MYH10: variants seen among roughly 807,000 people sequenced by gnomAD.
MYH10 encodes the protein myosin-10.
MYH10 carries 55 observed loss-of-function variants against 257.8 expected under a neutral mutation model. The ratio of observed to expected loss-of-function variants is 0.21; its 90% CI spans 0.17 to 0.27. The LOEUF is 0.27. Among genes scored for constraint, MYH10 ranks in the 10% least tolerant of loss-of-function variants. The pLI is 1.00. For missense variants in MYH10, 1,631 were observed against 2,500.6 expected (o/e 0.65, Z 7.42); for synonymous variants, 854 against 921.7 (o/e 0.93, Z 1.33).
intron 27 of MYH10, among the ~76,000 whole-genome samples, chr17:8,505,252 T>G (rs1360463675): frequency 6.6e-6 from 1 of 152,240 alleles, no homozygotes; most frequent in African/African-American, 2.4e-5. Flanking sequence ...GCTGTTATAG[T>G]TAAAAATCTG....
chr17:8,622,563 T>G (rs1002900957), intron 2 of MYH10, among the ~76,000 whole-genome samples: 4 of 152,238 alleles, frequency 2.6e-5, no homozygotes, highest in African/African-American at 9.6e-5. Context: ...GCTGTCTGCG[T>G]CCAATTAATG....
intron 14 of MYH10, among the ~76,000 whole-genome samples, chr17:8,536,748 G>A (rs1334399060): frequency 2.0e-5 from 3 of 150,662 alleles, no homozygotes; most frequent in Non-Finnish European, 4.4e-5. Context: ...GCAGTGAGCC[G>A]AGATGGTGCC....
intron 1 of MYH10, 107 bp from the exon 2 acceptor site, chr17:8,623,384 G>T: frequency 8.8e-7 from 1 of 1,141,106 alleles, no homozygotes; most frequent in Non-Finnish European, 1.2e-6. Flanking sequence ...TTAACTCTGT[G>T]TTAAGGAGCT....
At chr17:8,501,503 T>C (rs1236008439) in intron 28 of MYH10, among the ~76,000 whole-genome samples, 1 of 152,182 alleles carries the variant, frequency 6.6e-6, no homozygotes, top group East Asian at 1.9e-4. Context: ...CCAGAGATTT[T>C]CAAAAGTGAA....
intron 2 of MYH10, among the ~76,000 whole-genome samples, chr17:8,619,110 A>T (rs2085372589): frequency 1.3e-5 from 2 of 152,236 alleles, no homozygotes; most frequent in African/African-American, 4.8e-5. Context: ...ACCATCATAC[A>T]TTGATATGCA....
At position 8,476,063 on chromosome 17, in the gene MYH10, C is replaced by A. The variant is rs1368751181; in HGVS notation, c.5880-115G>T. ...TCCCCTTGCACCCCCTCCTCGGACACACGACCTTGTGGGGGTGGCGGTACG... is the reference window on the plus strand; with the variant it reads ...TCCCCTTGCACCCCCTCCTCGGACAAACGACCTTGTGGGGGTGGCGGTACG... On this transcript the variant is annotated intron_variant, in intron 42 of 42. Transcript: ENST00000360416. 3.2e-6 allele frequency: 4 copies of A among 1,231,828 alleles called. No individual in the cohort carries two copies. In the African/African-American group the frequency reaches 4.5e-5, roughly 14 times the overall value. The allele number at this position is 1,231,828 out of a possible 1,614,324, so 76.3% of individuals were successfully genotyped here.
intron 37 of MYH10, 108 bp from the exon 38 acceptor site, chr17:8,481,518 G>A: frequency 1.1e-6 from 1 of 885,350 alleles, no homozygotes. Context: ...CTGTTTACCT[G>A]CACCTCAAGC....
chr17:8,606,008 T>C (rs1206003072), intron 2 of MYH10, among the ~76,000 whole-genome samples: 4 of 152,320 alleles, frequency 2.6e-5, no homozygotes, highest in East Asian at 1.9e-4. Context: ...TATTTACTTA[T>C]GTTAACTTGT....
chr17:8,571,925 G>A (rs1359578935), intron 6 of MYH10, among the ~76,000 whole-genome samples: 1 of 24,928 alleles, frequency 4.0e-5, no homozygotes, highest in Non-Finnish European at 1.0e-4. Context: ...GTCTCTAAAA[G>A]CCTTTTTTTT....
chr17:8,509,731 C>A lies in MYH10; in HGVS notation c.3090+81G>T. 2.3e-6 allele frequency: 3 copies of A among 1,321,974 alleles called. No individual in the cohort carries two copies. In the African/African-American group the frequency reaches 4.6e-5, roughly 20 times the overall value. The allele number at this position is 1,321,974 out of a possible 1,614,324, so 81.9% of individuals were successfully genotyped here. The stretch of plus-strand genomic sequence containing the variant: ...CTTGAGAAATTTCTGTTTGAGTTCA[C>A]TTTCAATGAGTGTATCAACATAATA... On this transcript the variant is annotated intron_variant, in intron 25 of 42. Coordinates refer to ENST00000360416, the MANE Select transcript of MYH10 (RefSeq NM_001256012.3).
Position 8,513,844 on chromosome 17 carries a change from C to T in MYH10, c.2555G>A (p.Arg852Gln). The change falls in exon 22 of 43, where the codon CGG becomes CAG. Residue 852 changes from arginine to glutamine, a missense_variant. Around this residue, in one of 11 missense-constraint regions of MYH10, gnomAD observed 116 missense variants for 221.6 expected, o/e 0.52. Transcript: ENST00000360416. ...QQLSALKVLQ[R>Q]NCAAYLKLRH... ...TAATTTCAGGTACGCGGCACAGTTC[C>T]GCTGCAAGACCTTTAAGGCACTTAG... is the stretch of plus-strand genomic sequence containing the variant. The T allele has an allele frequency of 6.2e-7, 1 of 1,614,214 alleles. No homozygotes were observed. The highest frequency in any genetic ancestry group is 8.5e-7 in the Non-Finnish European group (1 of 1,180,034).
chr17:8,620,431 A>C (rs905406740), intron 2 of MYH10, among the ~76,000 whole-genome samples: 3 of 152,104 alleles, frequency 2.0e-5, no homozygotes, highest in African/African-American at 7.3e-5. Flanking sequence ...TACAGTTTTT[A>C]AACTGTTTTA....
intron 35 of MYH10, among the ~76,000 whole-genome samples, chr17:8,489,110 G>A (rs1215526105): frequency 1.3e-5 from 2 of 152,064 alleles, no homozygotes; most frequent in Non-Finnish European, 2.9e-5. Flanking sequence ...GCTCCCTCCA[G>A]GACAGTCAGG....
At chr17:8,573,069 C>T (rs2083399848) in intron 6 of MYH10, among the ~76,000 whole-genome samples, 1 of 152,120 alleles carries the variant, frequency 6.6e-6, no homozygotes, top group African/African-American at 2.4e-5. Flanking sequence ...GCAGCCTTAG[C>T]TATTGAAATG....
chr17:8,576,832 C>G (rs150285798), intron 5 of MYH10, among the ~76,000 whole-genome samples, 160 bp from the exon 6 acceptor site: 71 of 152,306 alleles, frequency 4.7e-4, no homozygotes, highest in African/African-American at 1.7e-3. Flanking sequence ...TTCTGCATGT[C>G]TAAAAATTAA....
At chr17:8,621,289 T>C (rs560116164) in intron 2 of MYH10, among the ~76,000 whole-genome samples, 58 of 152,182 alleles carry the variant, frequency 3.8e-4, no homozygotes, top group African/African-American at 1.3e-3. Context: ...ATTTTGCAGT[T>C]TTCTCACTCC....
At chr17:8,542,838 T>C (rs950268854) in intron 13 of MYH10, among the ~76,000 whole-genome samples, 15 of 152,214 alleles carry the variant, frequency 9.9e-5, no homozygotes, top group African/African-American at 3.6e-4. Context: ...CAGCCAGGCC[T>C]GGCACATGGA....
intron 3 of MYH10, among the ~76,000 whole-genome samples, chr17:8,597,764 G>A (rs960887946): frequency 1.1e-4 from 14 of 130,090 alleles, no homozygotes; most frequent in African/African-American, 2.3e-4. Flanking sequence ...ACAGGTGCCC[G>A]CCACCAGGCC....
At chr17:8,532,078 T>C (rs1437826986) in intron 16 of MYH10, among the ~76,000 whole-genome samples, 1 of 152,194 alleles carries the variant, frequency 6.6e-6, no homozygotes, top group East Asian at 1.9e-4. Flanking sequence ...CTCTGAGATC[T>C]TCTCCGTCAC....
Sources: allele counts gnomAD v4.1 joint callset (sites outside exome capture counted in the v4.1 genomes callset), GRCh38; gene constraint gnomAD v4.1.1; regional missense constraint gnomAD v4.1.1; transcripts MANE v1.5; gene names NCBI Gene and HGNC (gene_info 2026-07-23, HGNC 2026-07-21).